The following CDYL variants were observed in gnomAD, a reference collection of about 807,000 sequenced individuals.
The protein encoded by CDYL is chromodomain Y-like protein.
In CDYL, 8 loss-of-function variants were observed where a neutral mutation model predicts 47.3. That is an observed-to-expected ratio of 0.17 (90% CI 0.10 to 0.31). The LOEUF (loss-of-function observed/expected upper bound fraction) is 0.31. CDYL is among the 10% of genes least tolerant of loss of function. The pLI, the probability that CDYL is intolerant of heterozygous loss-of-function variation, is 1.00. For synonymous variants in CDYL, 266 were observed against 265.0 expected, an observed-to-expected ratio of 1.00 and a Z score of -0.04; for missense variants, 471 against 701.4, an observed-to-expected ratio of 0.67 and a Z score of 3.71.
intron 2 of CDYL, among the ~76,000 whole-genome samples, chr6:4,727,539 C>G (rs577896126): frequency 6.6e-6 from 1 of 152,244 alleles, no homozygotes; most frequent in South Asian, 2.1e-4. Flanking sequence ...TTATTCAAAG[C>G]TTTCTTTTCT....
intron 3 of CDYL, among the ~76,000 whole-genome samples, chr6:4,751,064 C>T (rs6932651): frequency 0.91 from 137,888 of 151,652 alleles, 62,911 homozygotes; most frequent in East Asian, 1. Flanking sequence ...ACCATGTTAG[C>T]CAGGATGGTC....
At chr6:4,737,621 CAA>C (rs1191132461) in intron 3 of CDYL, among the ~76,000 whole-genome samples, 9 of 112,140 alleles carry the variant, frequency 8.0e-5, no homozygotes, top group Non-Finnish European at 3.8e-5. Flanking sequence ...AACTCCGTCT[CAA>C]AAAAAAAAAA....
intron 3 of CDYL, among the ~76,000 whole-genome samples, chr6:4,736,329 G>A (rs1215166505): frequency 1.3e-5 from 2 of 152,220 alleles, no homozygotes; most frequent in East Asian, 1.9e-4. Context: ...CTAAGTTACA[G>A]TTGTTGCTGG....
At chr6:4,874,268 T>C (rs1051051982) in intron 1 of CDYL, among the ~76,000 whole-genome samples, 2 of 152,226 alleles carry the variant, frequency 1.3e-5, no homozygotes, top group African/African-American at 4.8e-5. Context: ...AAGAGCGTTT[T>C]GTTAATAAGC....
intron 5 of CDYL, among the ~76,000 whole-genome samples, chr6:4,945,900 C>T (rs1318831119): frequency 1.3e-5 from 2 of 152,242 alleles, no homozygotes; most frequent in East Asian, 1.9e-4. Flanking sequence ...GTGGACTAGA[C>T]CTTCCATAGC....
rs533121585 is a variant in CDYL at position 4,710,195 on chromosome 6, T to C, written c.-39+3944T>C. Among the ~76,000 whole-genome samples, 101 of 152,206 alleles carry C rather than the reference T, an allele frequency of 6.6e-4. 1 individual carries two copies. The Middle Eastern group carries it at 0.01, about 15-fold the overall frequency. Reference sequence around the variant, plus strand: ...TGAGATCATGCCATTGCACTCTAGCTTGGGCAACAAGAGTGAAATTCCATC... The same window carrying C: ...TGAGATCATGCCATTGCACTCTAGCCTGGGCAACAAGAGTGAAATTCCATC... On this transcript the variant is annotated intron_variant, in intron 1 of 8. Coordinates refer to the CDYL transcript ENST00000328908.
At chr6:4,819,150 C>G (rs984469765) in intron 1 of CDYL, among the ~76,000 whole-genome samples, 8 of 139,358 alleles carry the variant, frequency 5.7e-5, no homozygotes, top group African/African-American at 2.5e-4. Context: ...CTCTCTCTCT[C>G]TCTCTCTCTC....
chr6:4,884,436 T>G (rs1026571859), intron 1 of CDYL, among the ~76,000 whole-genome samples: 1 of 152,168 alleles, frequency 6.6e-6, no homozygotes, highest in African/African-American at 2.4e-5. Context: ...TGTATTAGAT[T>G]GATCAGAGTA....
intron 1 of CDYL, among the ~76,000 whole-genome samples, chr6:4,712,041 G>A (rs1244798541): frequency 1.3e-5 from 2 of 152,036 alleles, no homozygotes; most frequent in African/African-American, 4.8e-5. Flanking sequence ...CTCCAGCCCA[G>A]GTGACAGAGC....
At position 4,939,944 on chromosome 6, in the gene CDYL, G is replaced by C. The variant is rs117543405; in HGVS notation, c.1121+2207G>C. On this transcript the variant is annotated intron_variant, in intron 4 of 6. Transcript: ENST00000397588. The stretch of plus-strand genomic sequence containing the variant: ...TTCTGGGTCCTGGCTCCGTTTTCCC[G>C]TGTAGGCTTTTCCCTGGCTCCACTT... Among the ~76,000 whole-genome samples, 943 of 152,204 alleles carry C rather than the reference G, an allele frequency of 6.2e-3. 39 individuals carry two copies. In the East Asian group the frequency reaches 0.095, roughly 15 times the overall value.
chr6:4,910,127 A>G (rs1036561305), intron 2 of CDYL, among the ~76,000 whole-genome samples: 28 of 151,434 alleles, frequency 1.8e-4, no homozygotes, highest in African/African-American at 6.6e-4. Context: ...TTCCCCCTCC[A>G]TCTAAAACAT....
chr6:4,740,550 G>A (rs970582444), intron 3 of CDYL, among the ~76,000 whole-genome samples: 4 of 152,106 alleles, frequency 2.6e-5, no homozygotes, highest in South Asian at 2.1e-4. Flanking sequence ...ATAAATAACC[G>A]TTGCATTGAA....
At chr6:4,953,545 C>A (rs1043555706) in intron 6 of CDYL, among the ~76,000 whole-genome samples, 2 of 152,160 alleles carry the variant, frequency 1.3e-5, no homozygotes, top group African/African-American at 4.8e-5. Context: ...TAGAAAAATT[C>A]CCTCAACAGG....
chr6:4,785,499 A>G (rs1372580257), intron 1 of CDYL, among the ~76,000 whole-genome samples: 1 of 152,188 alleles, frequency 6.6e-6, no homozygotes. Context: ...TTTGGTTAAA[A>G]TGTATCCGTT....
chr6:4,730,589 G>C (rs1418023144), intron 2 of CDYL, among the ~76,000 whole-genome samples: 1 of 145,906 alleles, frequency 6.9e-6, no homozygotes. Context: ...CAGAAGAATC[G>C]CTTGAACCCA....
intron 2 of CDYL, among the ~76,000 whole-genome samples, chr6:4,906,296 C>T (rs890823472): frequency 1.9e-4 from 29 of 152,214 alleles, no homozygotes; most frequent in African/African-American, 6.8e-4. Flanking sequence ...GTAGCTGTTT[C>T]CCATGCTTGG....
intron 1 of CDYL, among the ~76,000 whole-genome samples, chr6:4,780,155 TTCATCCCAGCTCTAGAC>T (rs1758571828): frequency 6.6e-6 from 1 of 152,048 alleles, no homozygotes. Flanking sequence ...ATTTCTAACT[TTCATCCCAGCTCTAGAC>T]TTAGAGCTGG....
intron 1 of CDYL, among the ~76,000 whole-genome samples, chr6:4,827,756 A>G (rs1282043381): frequency 6.6e-6 from 1 of 152,150 alleles, no homozygotes; most frequent in African/African-American, 2.4e-5. Context: ...CCCAGGGTCA[A>G]GTGATCTCCT....
chr6:4,822,880 C>G (rs1177552358), intron 1 of CDYL, among the ~76,000 whole-genome samples: 1 of 152,214 alleles, frequency 6.6e-6, no homozygotes, highest in African/African-American at 2.4e-5. Flanking sequence ...GGGAATTTCT[C>G]TCTTCTTGCA....
Sources: gnomAD v4.1 joint callset for allele counts (sites outside exome capture counted in the v4.1 genomes callset) on GRCh38, gnomAD v4.1.1 for gene constraint, MANE v1.5 for transcripts, NCBI Gene and HGNC (gene_info 2026-07-23, HGNC 2026-07-21) for gene names.